The following BCAS3 variants were observed in gnomAD, a reference collection of about 807,000 sequenced individuals.
BCAS3 encodes the protein BCAS3 microtubule associated cell migration factor.
In BCAS3, 53 loss-of-function variants were observed where a neutral mutation model predicts 116.1. The ratio of observed to expected loss-of-function variants is 0.46; its 90% confidence interval spans 0.37 to 0.57. BCAS3 has a LOEUF of 0.57. Ranked by LOEUF, BCAS3 falls within the 20% of genes least tolerant of loss-of-function variation. The pLI is 0.00. For synonymous variants in BCAS3, 391 were observed against 408.2 expected (o/e 0.96, Z 0.51); for missense variants, 917 against 1,165.4 (o/e 0.79, Z 3.10).
At position 60,938,173 on chromosome 17, in the gene BCAS3, C is replaced by T. The variant is rs752081188; in HGVS notation, c.1088-9046C>T. ...CCTCCCAAAGTGCTGGAGTTACAGG[C>T]GTGAGCCACTGCACCCGGCCAAAAT... is the stretch of plus-strand genomic sequence containing the variant. On this transcript the variant is annotated intron_variant, in intron 13 of 23. Coordinates refer to ENST00000407086, the MANE Select transcript of BCAS3 (RefSeq NM_017679.5). Among the ~76,000 whole-genome samples, 20 of 152,126 alleles carry T rather than the reference C, an allele frequency of 1.3e-4. 1 individual carries two copies. Among genetic ancestry groups the T allele is most frequent in the Non-Finnish European group, 2.5e-4 (17 of 68,022 alleles).
At chr17:61,075,306 T>G (rs1484134257) in intron 20 of BCAS3, among the ~76,000 whole-genome samples, 1 of 152,138 alleles carries the variant, frequency 6.6e-6, no homozygotes, top group African/African-American at 2.4e-5. Flanking sequence ...CCTTAGGGCC[T>G]TGGAATCAAT....
At position 61,337,517 on chromosome 17, in the gene BCAS3, C is replaced by T. The variant is rs142707290; in HGVS notation, c.2426-30810C>T. Reference sequence around the variant, plus strand: ...GTCTTCCTCTTGGAGCAACAAAATGCTCCCAGGGATCCTCCTGCCAAGATC... The same window carrying T: ...GTCTTCCTCTTGGAGCAACAAAATGTTCCCAGGGATCCTCCTGCCAAGATC... On this transcript the variant is annotated intron_variant, in intron 22 of 23. Coordinates refer to ENST00000407086, the MANE Select transcript of BCAS3 (RefSeq NM_017679.5). This position sits in a 1 kb window ranked among gnomAD's most constrained non-coding sequence, Gnocchi z 4.8. 9.2e-5 allele frequency among the ~76,000 whole-genome samples: 14 copies of T among 152,306 alleles called. No individual in the cohort carries two copies. The highest frequency in any genetic ancestry group is 3.1e-4 in the African/African-American group (13 of 41,570).
At chr17:60,748,964 G>T (rs1398391534) in intron 6 of BCAS3, 1 of 152,170 alleles carries the variant, frequency 6.6e-6, no homozygotes, top group Non-Finnish European at 1.5e-5. Flanking sequence ...GTGCAGTAGT[G>T]AGAAGGGGGG....
chr17:60,752,527 C>T (rs2042577645), intron 6 of BCAS3, among the ~76,000 whole-genome samples: 1 of 151,630 alleles, frequency 6.6e-6, no homozygotes, highest in Non-Finnish European at 1.5e-5. Flanking sequence ...AGGTTCATGC[C>T]ATTCTCCTGC....
chr17:60,681,611 G>A (rs2143797067), intron 2 of BCAS3, among the ~76,000 whole-genome samples: 1 of 148,954 alleles, frequency 6.7e-6, no homozygotes, highest in South Asian at 2.1e-4. Flanking sequence ...GAGTGCAGTG[G>A]CATGATCTCG....
intron 10 of BCAS3, among the ~76,000 whole-genome samples, chr17:60,891,024 T>C (rs1033263799): frequency 1.3e-5 from 2 of 152,260 alleles, no homozygotes; most frequent in East Asian, 3.8e-4. Flanking sequence ...TACATCTTCC[T>C]GAATTCTGTA....
intron 5 of BCAS3, among the ~76,000 whole-genome samples, chr17:60,741,179 G>A (rs900343890): frequency 1.3e-5 from 2 of 152,026 alleles, no homozygotes; most frequent in Non-Finnish European, 1.5e-5. Context: ...TCCAATTTTT[G>A]GGGCAGCAGT....
Position 61,219,088 on chromosome 17 carries a change from G to A in BCAS3, c.2425+134524G>A, listed in dbSNP as rs943902244. On this transcript the variant is annotated intron_variant, in intron 22 of 23. Coordinates refer to ENST00000407086, the MANE Select transcript of BCAS3 (RefSeq NM_017679.5). The surrounding 1 kb of genome is among the most constrained non-coding windows in gnomAD (Gnocchi z 5.2). ...CTCTAGAATTAGGATTCTGCGCTCC[G>A]TAACTAATATTTTTATAGGAAATAT... is the stretch of plus-strand genomic sequence containing the variant. 2.0e-5 allele frequency among the ~76,000 whole-genome samples: 3 copies of A among 152,072 alleles called. No individual in the cohort carries two copies. The highest frequency in any genetic ancestry group is 2.9e-5 in the Non-Finnish European group (2 of 67,994).
intron 19 of BCAS3, among the ~76,000 whole-genome samples, chr17:61,044,274 TG>T (rs1275800113): frequency 6.6e-6 from 1 of 151,366 alleles, no homozygotes; most frequent in African/African-American, 2.4e-5. Flanking sequence ...GGTGAAACAC[TG>T]TCTCTACTAA....
chr17:60,730,228 C>T (rs1469791410), intron 5 of BCAS3, among the ~76,000 whole-genome samples: 1 of 152,170 alleles, frequency 6.6e-6, no homozygotes, highest in East Asian at 1.9e-4. Context: ...TTAAAACACT[C>T]CTTTCTATGT....
intron 22 of BCAS3, among the ~76,000 whole-genome samples, chr17:61,187,761 T>C (rs1195466537): frequency 6.6e-6 from 1 of 152,192 alleles, no homozygotes; most frequent in East Asian, 1.9e-4. Context: ...GAGGTCAGTC[T>C]TTGAGGTTAA....
chr17:60,990,109 C>T lies in BCAS3; in HGVS notation c.1360C>T (p.Arg454Cys), dbSNP rs868630556. Residue 454 changes from arginine to cysteine, a missense_variant, in exon 15 of 24, where the codon CGC becomes TGC. Around this residue, in one of 3 missense-constraint regions of BCAS3, gnomAD observed 807 missense variants for 1,026.0 expected, o/e 0.79. Transcript: ENST00000407086. This position sits in a 1 kb window ranked among gnomAD's most constrained non-coding sequence, Gnocchi z 5.1. ...RTHMSPRVVNRMSRFQKSAGL... is the reference protein window; with the variant it reads ...RTHMSPRVVNCMSRFQKSAGL... ...ACATATGTCACCACGAGTAGTGAAT[C>T]GCATGAGCCGTTTCCAGAAAAGTGC... 7.4e-6 allele frequency: 12 copies of T among 1,614,016 alleles called. No individual in the cohort carries two copies. The highest frequency in any genetic ancestry group is 1.0e-5 in the Non-Finnish European group (12 of 1,180,036).
chr17:61,050,404 CAT>C (rs986079001), intron 19 of BCAS3, among the ~76,000 whole-genome samples: 4 of 151,768 alleles, frequency 2.6e-5, no homozygotes, highest in African/African-American at 9.7e-5. Flanking sequence ...TGTACCTACG[CAT>C]GTGTGTATAT....
At chr17:60,705,691 G>C (rs1269154581) in intron 4 of BCAS3, among the ~76,000 whole-genome samples, 2 of 152,134 alleles carry the variant, frequency 1.3e-5, no homozygotes, top group Non-Finnish European at 1.5e-5. Flanking sequence ...ACCAGTGCCA[G>C]ATGATGAGGA....
At chr17:61,329,404 G>A (rs1233749049) in intron 22 of BCAS3, among the ~76,000 whole-genome samples, 10 of 147,528 alleles carry the variant, frequency 6.8e-5, no homozygotes, top group Admixed American at 2.7e-4. Flanking sequence ...GCAGTGGCGC[G>A]ATCTCGGCTC....
At chr17:60,823,736 A>T (rs763461567) in intron 7 of BCAS3, among the ~76,000 whole-genome samples, 2 of 152,206 alleles carry the variant, frequency 1.3e-5, no homozygotes, top group African/African-American at 4.8e-5. Flanking sequence ...TGTAAATTGT[A>T]TGTAATACAC....
chr17:60,736,750 A>G (rs766117432), intron 5 of BCAS3, among the ~76,000 whole-genome samples: 8 of 152,038 alleles, frequency 5.3e-5, no homozygotes, highest in Non-Finnish European at 1.0e-4. Flanking sequence ...GTTTTGGCAG[A>G]TTGTGTCTTT....
chr17:60,682,475 G>T (rs1193715534), intron 2 of BCAS3, among the ~76,000 whole-genome samples: 1 of 152,136 alleles, frequency 6.6e-6, no homozygotes, highest in Non-Finnish European at 1.5e-5. Context: ...ATTTTCAAGT[G>T]TGATTTTTCA....
rs185162691 is a variant in BCAS3, at chr17:60,790,521, T to C, written c.404-17483T>C. 6.6e-5 allele frequency among the ~76,000 whole-genome samples: 10 copies of C among 152,270 alleles called. No homozygotes were observed. In the East Asian group the frequency reaches 1.9e-3, roughly 29 times the overall value. The stretch of plus-strand genomic sequence containing the variant: ...GGGCCTGTTAATTTTTAACTTATGC[T>C]TGGATCAAAAGTAATATTGTTAACT... On this transcript the variant is annotated intron_variant, in intron 6 of 23. Coordinates refer to ENST00000407086, the MANE Select transcript of BCAS3 (RefSeq NM_017679.5).
Sources: allele counts gnomAD v4.1 joint callset (sites outside exome capture counted in the v4.1 genomes callset), GRCh38; gene constraint gnomAD v4.1.1; regional missense constraint gnomAD v4.1.1; non-coding constraint Gnocchi (gnomAD v3.1); transcripts MANE v1.5; gene names NCBI Gene and HGNC (gene_info 2026-07-23, HGNC 2026-07-21).